The following SLC45A4 variants were observed in gnomAD, a reference collection of about 807,000 sequenced individuals.
SLC45A4 encodes the protein solute carrier family 45 member 4, also known as polyamine-transporter SLC45A4.
SLC45A4 carries 32 observed loss-of-function variants against 63.7 expected under a neutral mutation model. The observed-to-expected ratio is 0.50, with a 90% CI of 0.38 to 0.67. The LOEUF is 0.67. SLC45A4 is among the 30% of genes least tolerant of loss of function. SLC45A4 has a pLI of 0.00. For synonymous variants in SLC45A4, 535 were observed against 510.0 expected (o/e 1.05, Z -0.66); for missense variants, 1,027 against 1,157.7 (o/e 0.89, Z 1.64).
chr8:141,254,176 T>TAA lies in SLC45A4; in HGVS notation c.52_53dup (p.Leu18PhefsTer28). ...TCTGCGGGTCCGGCAGGGGCACGGATAACTCTTGAACTTGCATAGATTCCG... is the reference window on the plus strand; with the variant it reads ...TCTGCGGGTCCGGCAGGGGCACGGATAAAACTCTTGAACTTGCATAGATTCCG... On this transcript the variant is annotated frameshift_variant, in exon 2 of 9. Coordinates refer to ENST00000517878, the MANE Select transcript of SLC45A4 (RefSeq NM_001286646.2). LOFTEE classifies it high-confidence loss of function. The surrounding 1 kb of genome is among the most constrained non-coding windows in gnomAD (Gnocchi z 4.5). The TAA allele has an allele frequency of 6.5e-7, 1 of 1,536,134 alleles. No homozygotes were observed. The highest frequency in any genetic ancestry group is 1.2e-5 in the South Asian group (1 of 84,066).
intron 2 of SLC45A4, among the ~76,000 whole-genome samples, chr8:141,248,166 T>C (rs1320678870): frequency 6.6e-6 from 1 of 152,188 alleles, no homozygotes; most frequent in Non-Finnish European, 1.5e-5. Flanking sequence ...TAAAAAAGAC[T>C]TCAGGTCAGG....
chr8:141,236,432 G>C (rs1827628187), intron 2 of SLC45A4, among the ~76,000 whole-genome samples: 1 of 152,164 alleles, frequency 6.6e-6, no homozygotes, highest in African/African-American at 2.4e-5. Flanking sequence ...ATGTTTCTGT[G>C]ATGTTCCCAA....
chr8:141,259,131 A>C (rs1313775239), intron 1 of SLC45A4, among the ~76,000 whole-genome samples: 1 of 152,134 alleles, frequency 6.6e-6, no homozygotes, highest in African/African-American at 2.4e-5. Context: ...ACTGGTGTAA[A>C]GTTGGCCTTC....
intron 1 of SLC45A4, among the ~76,000 whole-genome samples, chr8:141,267,423 CT>C (rs1829317004): frequency 6.6e-6 from 1 of 152,258 alleles, no homozygotes; most frequent in East Asian, 1.9e-4. Context: ...CACAGAAGCC[CT>C]GTGCGGGCAA....
At chr8:141,211,857 T>G in intron 8 of SLC45A4, 160 bp from the exon 9 acceptor site, 1 of 1,288,654 alleles carries the variant, frequency 7.8e-7, no homozygotes, top group Non-Finnish European at 9.9e-7. Flanking sequence ...ATTGTCTATA[T>G]AAATGTTTTA....
At chr8:141,230,871 G>A (rs1351749739) in intron 2 of SLC45A4, among the ~76,000 whole-genome samples, 2 of 152,218 alleles carry the variant, frequency 1.3e-5, no homozygotes, top group Non-Finnish European at 2.9e-5. Flanking sequence ...CACTGATGAC[G>A]GCCCCAACGA....
intron 2 of SLC45A4, among the ~76,000 whole-genome samples, chr8:141,248,711 A>G (rs1807759216): frequency 6.6e-6 from 1 of 152,164 alleles, no homozygotes; most frequent in Admixed American, 6.5e-5. Context: ...ATAAAGTGTA[A>G]GAATATATAA....
chr8:141,308,235 C>G lies in SLC45A4; in HGVS notation c.-540G>C, dbSNP rs1486933014. ...GGGCGGGGGCTGCTCCCTCGGCCGGCCGGCCGGGCGGTCAGTCAGCGACGC... is the reference window on the plus strand; with the variant it reads ...GGGCGGGGGCTGCTCCCTCGGCCGGGCGGCCGGGCGGTCAGTCAGCGACGC... On this transcript the variant is annotated 5_prime_UTR_variant, in exon 1 of 9. Coordinates refer to ENST00000517878, the MANE Select transcript of SLC45A4 (RefSeq NM_001286646.2). 4.1e-5 allele frequency: 6 copies of G among 147,794 alleles called. No individual in the cohort carries two copies. The East Asian group carries it at 1.2e-3, about 29-fold the overall frequency. 9.2% of individuals were successfully genotyped at this position (147,794 alleles called of 1,614,324 possible). A position where few individuals can be genotyped will look rare whatever the true frequency, so the allele number is the denominator to read the frequency against.
At chr8:141,307,002 G>C (rs1194876009) in intron 1 of SLC45A4, among the ~76,000 whole-genome samples, 1 of 152,222 alleles carries the variant, frequency 6.6e-6, no homozygotes, top group Non-Finnish European at 1.5e-5. Context: ...TCAGTGGCTA[G>C]GTCTGTGAAC....
At chr8:141,296,231 T>C (rs964387545) in intron 1 of SLC45A4, among the ~76,000 whole-genome samples, 1 of 152,086 alleles carries the variant, frequency 6.6e-6, no homozygotes, top group African/African-American at 2.4e-5. Context: ...CTCAGGAGGC[T>C]GAGGCACGAG....
In SLC45A4 at chr8:141,207,602, G is replaced by A. The variant is rs1050691725; in HGVS notation, c.*3970C>T. The A allele has an allele frequency of 2.0e-5, 3 of 152,250 alleles. No individual in the cohort carries two copies. The highest frequency in any genetic ancestry group is 7.2e-5 in the African/African-American group (3 of 41,446). 9.4% of individuals were successfully genotyped at this position (152,250 alleles called of 1,614,324 possible). ...AAATAGTTTCGTTCCGAGATGCCTGGGGAGTTTCTCTGGCAACGAGGCATT... is the reference window on the plus strand; with the variant it reads ...AAATAGTTTCGTTCCGAGATGCCTGAGGAGTTTCTCTGGCAACGAGGCATT... On this transcript the variant is annotated 3_prime_UTR_variant, in exon 9 of 9. Transcript: ENST00000517878.
At chr8:141,249,209 C>T (rs200264869) in intron 2 of SLC45A4, among the ~76,000 whole-genome samples, 1 of 152,116 alleles carries the variant, frequency 6.6e-6, no homozygotes, top group Non-Finnish European at 1.5e-5. Context: ...CTGGACCCAG[C>T]AAGCCACTCC....
Position 141,211,688 on chromosome 8 carries a change from C to T in SLC45A4, c.2311G>A (p.Gly771Ser), listed in dbSNP as rs754229444. 1.9e-6 allele frequency: 3 copies of T among 1,584,156 alleles called. No individual in the cohort carries two copies. The highest frequency in any genetic ancestry group is 2.6e-6 in the Non-Finnish European group (3 of 1,165,286). Reference protein sequence around the residue: ...PVETESVTPAGIDVCQISSHW... With the variant: ...PVETESVTPASIDVCQISSHW... ...GACGAGATCTGACAGACGTCAATAC[C>T]TGCAGGCGTCTACAGAGAGGAAATT... Residue 771 changes from glycine to serine, a missense_variant, in exon 9 of 9, where the codon GGT becomes AGT. By Grantham distance (56) the Gly-to-Ser change is moderately conservative (BLOSUM62 0). Transcript: ENST00000517878.
Position 141,259,576 on chromosome 8 carries a change from C to T in SLC45A4, c.-400-4947G>A, listed in dbSNP as rs1589825436. 3.3e-5 allele frequency among the ~76,000 whole-genome samples: 5 copies of T among 152,246 alleles called. No individual in the cohort carries two copies. In the South Asian group the frequency reaches 1.0e-3, roughly 32 times the overall value. ...CATCTCCTCTTGCCCTTCCCACCTT[C>T]AGCTCAACCACCCTGTTTTTAGAGA... On this transcript the variant is annotated intron_variant, in intron 1 of 8. Coordinates refer to ENST00000517878, the MANE Select transcript of SLC45A4 (RefSeq NM_001286646.2).
At chr8:141,306,169 C>T (rs904128441) in intron 1 of SLC45A4, among the ~76,000 whole-genome samples, 1 of 152,228 alleles carries the variant, frequency 6.6e-6, no homozygotes, top group Non-Finnish European at 1.5e-5. Flanking sequence ...AGGCCACTCC[C>T]CCCACGAGGC....
chr8:141,294,325 G>A (rs542480590), intron 1 of SLC45A4, among the ~76,000 whole-genome samples: 1 of 152,372 alleles, frequency 6.6e-6, no homozygotes, highest in African/African-American at 2.4e-5. Context: ...GCCGCATCGG[G>A]AGGGACCAGT....
At chr8:141,249,427 G>C (rs190663664) in intron 2 of SLC45A4, among the ~76,000 whole-genome samples, 2 of 152,204 alleles carry the variant, frequency 1.3e-5, no homozygotes, top group African/African-American at 4.8e-5. Context: ...ATGCAGTAAC[G>C]GGGATGAATC....
intron 2 of SLC45A4, among the ~76,000 whole-genome samples, chr8:141,238,211 G>A (rs1036344711): frequency 3.9e-5 from 6 of 152,224 alleles, no homozygotes; most frequent in African/African-American, 7.2e-5. Flanking sequence ...GCAGCTCCAA[G>A]CCTGGACCTG....
chr8:141,285,894 T>C (rs913235045), intron 1 of SLC45A4, among the ~76,000 whole-genome samples: 6 of 152,176 alleles, frequency 3.9e-5, no homozygotes, highest in Admixed American at 6.5e-5. Flanking sequence ...CTCTGGAACC[T>C]GTGTGGTGCT....
Sources: gnomAD v4.1 joint callset for allele counts (sites outside exome capture counted in the v4.1 genomes callset) on GRCh38, gnomAD v4.1.1 for gene constraint, Gnocchi (gnomAD v3.1) non-coding constraint, MANE v1.5 for transcripts, NCBI Gene and HGNC (gene_info 2026-07-23, HGNC 2026-07-21) for gene names.